The following FNDC1 variants were observed in gnomAD, a reference collection of about 807,000 sequenced individuals.
FNDC1 encodes the protein fibronectin type III domain-containing protein 1.
A neutral mutation model predicts 168.0 loss-of-function variants in FNDC1; 96 were observed. That is an observed-to-expected ratio of 0.57 (90% CI 0.48 to 0.68). FNDC1 has a LOEUF of 0.68. Ranked by LOEUF, FNDC1 falls within the 30% of genes least tolerant of loss-of-function variation. The probability of loss-of-function intolerance (pLI) is 0.00; values close to 1 mark genes in which losing one functional copy is unlikely to be tolerated. For missense variants in FNDC1, 2,587 were observed against 2,482.1 expected, an observed-to-expected ratio of 1.04 and a Z score of -0.90; for synonymous variants, 1,099 against 1,025.9, an observed-to-expected ratio of 1.07 and a Z score of -1.36.
intron 16 of FNDC1, among the ~76,000 whole-genome samples, chr6:159,250,363 G>C (rs1777228016): frequency 6.6e-6 from 1 of 152,210 alleles, no homozygotes; most frequent in East Asian, 1.9e-4. Flanking sequence ...TTGCCCAAAA[G>C]TCAAATAGAG....
chr6:159,221,512 A>G, intron 5 of FNDC1, 86 bp from the exon 6 acceptor site: 2 of 1,037,420 alleles, frequency 1.9e-6, no homozygotes, highest in East Asian at 2.4e-5. Context: ...GGGAGGAGGA[A>G]TGCAGAACCC....
Position 159,266,086 on chromosome 6 carries a change from G to C in FNDC1, c.5287G>C (p.Gly1763Arg). The C allele has an allele frequency of 5.0e-6, 8 of 1,613,702 alleles. No individual in the cohort carries two copies. Among genetic ancestry groups the C allele is most frequent in the Non-Finnish European group, 5.9e-6 (7 of 1,179,738 alleles). The change falls in exon 21 of 23, where the codon GGT becomes CGT. Residue 1763 changes from glycine (G) to arginine (R), a missense_variant and splice_region_variant. Physicochemically the swap from Gly to Arg is moderately radical, Grantham distance 125. Coordinates refer to ENST00000297267, the MANE Select transcript of FNDC1 (RefSeq NM_032532.3). The part of the protein sequence containing the change: ...NPLLVVRPPG[G>R]EPIWIPFAFK... ...CAGGTGTGTTTTGTGTTGTCAAGGC[G>C]GTGAGCCTATCTGGATCCCATTCGC... is the stretch of plus-strand genomic sequence containing the variant.
intron 17 of FNDC1, among the ~76,000 whole-genome samples, chr6:159,251,957 T>G (rs294897): frequency 0.63 from 96,186 of 152,024 alleles, 31,948 homozygotes; most frequent in Middle Eastern, 0.76. Context: ...GGGCCACACA[T>G]TTGTCCCTTT....
At chr6:159,224,330 A>T (rs937465338) in intron 7 of FNDC1, among the ~76,000 whole-genome samples, 1 of 152,224 alleles carries the variant, frequency 6.6e-6, no homozygotes, top group Non-Finnish European at 1.5e-5. Flanking sequence ...TAGTATAGCC[A>T]TGAAAATTTT....
At position 159,244,534 on chromosome 6, in the gene FNDC1, G is replaced by A. The variant is rs188520701; in HGVS notation, c.4622-2367G>A. ...ACTCGAGGTTGCCATTGCCCTTTGT[G>A]GGTGGAGTTTGTTTTTACAATGTAA... On this transcript the variant is annotated intron_variant, in intron 14 of 22. Coordinates refer to ENST00000297267, the MANE Select transcript of FNDC1 (RefSeq NM_032532.3). Among the ~76,000 whole-genome samples the A allele has an allele frequency of 1.8e-3, 267 of 152,286 alleles. 3 individuals are homozygous for A. The highest frequency in any genetic ancestry group is 5.3e-4 in the Non-Finnish European group (36 of 68,016).
At chr6:159,250,983 A>G (rs531681599) in intron 16 of FNDC1, among the ~76,000 whole-genome samples, 3 of 152,354 alleles carry the variant, frequency 2.0e-5, no homozygotes, top group Admixed American at 2.0e-4. Flanking sequence ...AATGTGGGGC[A>G]CAGGAATGGC....
intron 14 of FNDC1, chr6:159,240,637 GC>G (rs1218354696): frequency 6.6e-6 from 1 of 152,088 alleles, no homozygotes; most frequent in Admixed American, 6.5e-5. Context: ...CTATCCTGCC[GC>G]CCCTGATGTA....
At chr6:159,229,336 G>A (rs1230930490) in intron 9 of FNDC1, among the ~76,000 whole-genome samples, 1 of 152,106 alleles carries the variant, frequency 6.6e-6, no homozygotes, top group African/African-American at 2.4e-5. Context: ...TTCAAATATG[G>A]AATTTTTCTG....
intron 1 of FNDC1, among the ~76,000 whole-genome samples, chr6:159,193,065 C>T (rs1782171976): frequency 6.6e-6 from 1 of 152,034 alleles, no homozygotes; most frequent in Non-Finnish European, 1.5e-5. Flanking sequence ...CTTCTGGGGT[C>T]AAGGTAGAGG....
chr6:159,248,994 C>G (rs779777935), intron 15 of FNDC1, 45 bp from the exon 16 acceptor site: 4 of 1,557,540 alleles, frequency 2.6e-6, no homozygotes, highest in Middle Eastern at 1.7e-4. Flanking sequence ...AGACAGTGCT[C>G]CTTTTCTGGC....
In FNDC1 at chr6:159,256,088, C is replaced by T. The variant is rs567115918; in HGVS notation, c.5066-435C>T. 9.2e-5 allele frequency among the ~76,000 whole-genome samples: 14 copies of T among 152,302 alleles called. No individual in the cohort carries two copies. In the East Asian group the frequency reaches 9.6e-4, roughly 10 times the overall value. ...CTGGGCGTGTGGGGTCTCTCAGCCC[C>T]GCACACATGCACAGCATCCACCAAC... On this transcript the variant is annotated intron_variant, in intron 17 of 22. Transcript: ENST00000297267.
Position 159,169,830 on chromosome 6 carries a change from C to A in FNDC1, c.109+125C>A. Reference sequence around the variant, plus strand: ...CACTAGCCTGTGCGTCCTCGTCACTCGCGGGTCGGGGCACTTGGCGCCCTG... The same window carrying A: ...CACTAGCCTGTGCGTCCTCGTCACTAGCGGGTCGGGGCACTTGGCGCCCTG... On this transcript the variant is annotated intron_variant, in intron 1 of 22. Coordinates refer to ENST00000297267, the MANE Select transcript of FNDC1 (RefSeq NM_032532.3). The surrounding 1 kb of genome is among the most constrained non-coding windows in gnomAD (Gnocchi z 6.8). 1 of 292,970 alleles carries A rather than the reference C, an allele frequency of 3.4e-6. No homozygotes were observed. Among genetic ancestry groups the A allele is most frequent in the Non-Finnish European group, 5.6e-6 (1 of 177,520 alleles). The allele number at this position is 292,970 out of a possible 1,614,324, so 18.1% of individuals were successfully genotyped here.
intron 4 of FNDC1, among the ~76,000 whole-genome samples, chr6:159,213,110 G>A (rs436277): frequency 0.15 from 23,287 of 152,180 alleles, 2,187 homozygotes; most frequent in East Asian, 0.29. Flanking sequence ...GATTGCAAGA[G>A]CCAGCCTCAG....
chr6:159,268,991 T>TCCATCC (rs1562315450), intron 22 of FNDC1, among the ~76,000 whole-genome samples: 4 of 130,376 alleles, frequency 3.1e-5, no homozygotes, highest in African/African-American at 1.2e-4. Flanking sequence ...TGTATCTATT[T>TCCATCC]ATCCATCCAT....
At chr6:159,264,124 T>G (rs773975585) in intron 19 of FNDC1, among the ~76,000 whole-genome samples, 29 of 152,338 alleles carry the variant, frequency 1.9e-4, no homozygotes, top group Non-Finnish European at 3.5e-4. Flanking sequence ...GTGTACATCT[T>G]AATGTATTTT....
intron 13 of FNDC1, 101 bp from the exon 14 acceptor site, chr6:159,239,416 C>G (rs1335264064): frequency 9.5e-6 from 10 of 1,051,740 alleles, no homozygotes; most frequent in Non-Finnish European, 6.7e-6. Context: ...CTGATTAAAA[C>G]ATGATAATAC....
chr6:159,197,012 T>A (rs1202572312), intron 1 of FNDC1, among the ~76,000 whole-genome samples: 2 of 152,232 alleles, frequency 1.3e-5, no homozygotes, highest in African/African-American at 4.8e-5. Flanking sequence ...AGGACAGTTT[T>A]ATGCTGTTCT....
chr6:159,261,112 C>T lies in FNDC1; in HGVS notation c.5175-78C>T, dbSNP rs1777473749. ...CAAAGCCTGTCACGGTTCAGGTGTTCAGTAGTTTGGGAGTCTGTTTTGTTA... is the reference window on the plus strand; with the variant it reads ...CAAAGCCTGTCACGGTTCAGGTGTTTAGTAGTTTGGGAGTCTGTTTTGTTA... On this transcript the variant is annotated intron_variant, in intron 18 of 22. Coordinates refer to ENST00000297267, the MANE Select transcript of FNDC1 (RefSeq NM_032532.3). The T allele has an allele frequency of 1.5e-5, 16 of 1,056,886 alleles. No individual in the cohort carries two copies. The South Asian group carries it at 2.1e-4, about 14-fold the overall frequency. 65.5% of individuals were successfully genotyped at this position (1,056,886 alleles called of 1,614,324 possible).
chr6:159,240,730 C>T (rs1783400214), intron 14 of FNDC1: 3 of 152,140 alleles, frequency 2.0e-5, no homozygotes, highest in Admixed American at 6.5e-5. Context: ...TCGTGGAGCC[C>T]GTATATCAAT....
Sources: gnomAD v4.1 joint callset for allele counts (sites outside exome capture counted in the v4.1 genomes callset) on GRCh38, gnomAD v4.1.1 for gene constraint, Gnocchi (gnomAD v3.1) non-coding constraint, MANE v1.5 for transcripts, NCBI Gene and HGNC (gene_info 2026-07-23, HGNC 2026-07-21) for gene names.